LYRM4: variants seen among roughly 807,000 people sequenced by gnomAD.
LYRM4 encodes LYR motif containing 4.
A neutral mutation model predicts 11.7 loss-of-function variants in LYRM4; 9 were observed. The ratio of observed to expected loss-of-function variants is 0.77; its 90% CI spans 0.46 to 1.34. LYRM4 has a LOEUF of 1.34. Among genes scored for constraint, LYRM4 ranks in the 40% most tolerant of loss-of-function variants. The pLI is 0.00. For synonymous variants in LYRM4, 42 were observed against 40.4 expected (o/e 1.04, Z -0.15); for missense variants, 133 against 112.5 (o/e 1.18, Z -0.82).
intron 2 of LYRM4, among the ~76,000 whole-genome samples, chr6:5,200,555 C>T (rs113571300): frequency 9.2e-5 from 14 of 152,232 alleles, no homozygotes; most frequent in East Asian, 1.9e-4. Flanking sequence ...AAAATAATCA[C>T]GAGAGCAAAG....
chr6:5,199,206 A>T (rs537106166), intron 2 of LYRM4, among the ~76,000 whole-genome samples: 2 of 152,370 alleles, frequency 1.3e-5, no homozygotes, highest in East Asian at 3.9e-4. Flanking sequence ...CATATAATGG[A>T]AGACTATTTG....
At chr6:5,171,759 T>C (rs984878246) in intron 2 of LYRM4, among the ~76,000 whole-genome samples, 1 of 152,220 alleles carries the variant, frequency 6.6e-6, no homozygotes, top group Non-Finnish European at 1.5e-5. Context: ...GCAGGGCTTT[T>C]ACACCACTGT....
the LYRM4 span, among the ~76,000 whole-genome samples, chr6:5,073,034 T>G: frequency 4.6e-5 from 7 of 152,126 alleles, no homozygotes; most frequent in Non-Finnish European, 1.0e-4. Flanking sequence ...TGTAGGAAAA[T>G]TTTGGAAGAC....
intron 1 of LYRM4, among the ~76,000 whole-genome samples, chr6:5,244,366 C>T (rs1007257209): frequency 6.6e-6 from 1 of 152,114 alleles, no homozygotes; most frequent in Non-Finnish European, 1.5e-5. Flanking sequence ...GGGAATGTGA[C>T]CCTGTCCTAA....
chr6:5,048,548 G>T, the LYRM4 span, among the ~76,000 whole-genome samples: 2 of 152,000 alleles, frequency 1.3e-5, no homozygotes, highest in African/African-American at 4.8e-5. Context: ...TGCTCAGGCT[G>T]CTCTTGAACT....
the LYRM4 span, among the ~76,000 whole-genome samples, chr6:5,037,832 C>G: frequency 1.7e-5 from 1 of 60,498 alleles, no homozygotes; most frequent in African/African-American, 4.4e-5. Context: ...CCCCTCCCCC[C>G]TCCCGGACGG....
chr6:5,133,246 G>T (rs943671279), intron 2 of LYRM4, among the ~76,000 whole-genome samples: 15 of 152,120 alleles, frequency 9.9e-5, no homozygotes, highest in African/African-American at 3.4e-4. Flanking sequence ...ATGATCGATC[G>T]TTTTCTTCTT....
the LYRM4 span, among the ~76,000 whole-genome samples, chr6:5,082,099 C>A: frequency 1.3e-5 from 2 of 152,152 alleles, no homozygotes; most frequent in East Asian, 3.9e-4. Flanking sequence ...AAAGTGTTTT[C>A]CTGAGTTCCG....
the LYRM4 span, among the ~76,000 whole-genome samples, chr6:5,057,386 G>A: frequency 1.3e-5 from 2 of 152,236 alleles, no homozygotes; most frequent in East Asian, 3.9e-4. Flanking sequence ...AGACCAGGAC[G>A]GAAGACACCA....
At chr6:5,031,932 ACACT>A in the LYRM4 span, 30 of 152,306 alleles carry the variant, frequency 2.0e-4, no homozygotes, top group African/African-American at 5.1e-4. Context: ...ATCAATGGAA[ACACT>A]CAATCTTATA....
chr6:5,045,249 T>C, the LYRM4 span, among the ~76,000 whole-genome samples: 1 of 152,226 alleles, frequency 6.6e-6, no homozygotes, highest in African/African-American at 2.4e-5. Context: ...AACCAAAATG[T>C]AGTCCATCCA....
chr6:5,238,413 T>C (rs1235649712), intron 1 of LYRM4, among the ~76,000 whole-genome samples: 3 of 152,196 alleles, frequency 2.0e-5, no homozygotes, highest in African/African-American at 7.2e-5. Context: ...TCTATACTCA[T>C]GTTAAAAAAG....
chr6:5,103,468 C>T (rs150092636), downstream of LYRM4: 3 of 152,290 alleles, frequency 2.0e-5, no homozygotes, highest in Non-Finnish European at 4.4e-5. Flanking sequence ...ACAGAGCTAA[C>T]ATTTGATCAC....
intron 2 of LYRM4, among the ~76,000 whole-genome samples, chr6:5,117,933 C>T (rs999898669): frequency 2.6e-5 from 4 of 151,848 alleles, no homozygotes; most frequent in South Asian, 2.1e-4. Flanking sequence ...TCCAAAACGA[C>T]GCACTGTTTT....
At chr6:5,231,831 A>G (rs2127743333) in intron 1 of LYRM4, among the ~76,000 whole-genome samples, 1 of 152,254 alleles carries the variant, frequency 6.6e-6, no homozygotes, top group East Asian at 1.9e-4. Context: ...TATAATACAA[A>G]TAACTTGTTA....
chr6:5,068,670 G>T, the LYRM4 span, among the ~76,000 whole-genome samples: 3 of 152,128 alleles, frequency 2.0e-5, no homozygotes, highest in Non-Finnish European at 4.4e-5. The surrounding 1 kb of genome is among the most constrained non-coding windows in gnomAD (Gnocchi z 4.0). Flanking sequence ...GGGGACACTG[G>T]AACAGAGAGA....
intron 1 of LYRM4, among the ~76,000 whole-genome samples, chr6:5,232,606 T>A (rs887377669): frequency 6.6e-6 from 1 of 152,248 alleles, no homozygotes; most frequent in Admixed American, 6.5e-5. Flanking sequence ...CAGCAACTGC[T>A]GCTGTTTGGA....
intron 2 of LYRM4, among the ~76,000 whole-genome samples, chr6:5,152,825 C>A (rs1464890342): frequency 6.6e-6 from 1 of 152,198 alleles, no homozygotes; most frequent in Non-Finnish European, 1.5e-5. Flanking sequence ...CAAATGGAAA[C>A]ACGCAGCAGA....
chr6:5,167,576 G>A (rs1392802222), intron 2 of LYRM4, among the ~76,000 whole-genome samples: 2 of 152,118 alleles, frequency 1.3e-5, no homozygotes, highest in South Asian at 2.1e-4. Context: ...CAACATAAAC[G>A]ATAAAACCCC....
Sources: allele counts gnomAD v4.1 joint callset (sites outside exome capture counted in the v4.1 genomes callset), GRCh38; gene constraint gnomAD v4.1.1; non-coding constraint Gnocchi (gnomAD v3.1); transcripts MANE v1.5; gene names NCBI Gene and HGNC (gene_info 2026-07-23, HGNC 2026-07-21).